The following NTS variants were observed in gnomAD, a reference collection of about 807,000 sequenced individuals.
NTS encodes the protein neurotensin/neuromedin N.
Under a neutral mutation model 19.5 loss-of-function variants are expected in NTS, and 20 were observed. The ratio of observed to expected loss-of-function variants is 1.02; its 90% CI spans 0.72 to 1.49. The LOEUF (loss-of-function observed/expected upper bound fraction) is 1.49, where lower values mean the gene tolerates loss of function less well. Among genes scored for constraint, NTS ranks in the 40% most tolerant of loss-of-function variants. The pLI, the probability that NTS is intolerant of heterozygous loss-of-function variation, is 0.00. For synonymous variants in NTS, 71 were observed against 63.3 expected, an observed-to-expected ratio of 1.12 and a Z score of -0.58; for missense variants, 215 against 193.1, an observed-to-expected ratio of 1.11 and a Z score of -0.67.
At chr12:85,879,072 AATGTACATAAAATATATTTTT>A (rs1223772646) in intron 3 of NTS, among the ~76,000 whole-genome samples, 5 of 91,446 alleles carry the variant, frequency 5.5e-5, no homozygotes, top group African/African-American at 2.4e-4. Flanking sequence ...TGTATATTTT[AATGTACATAAAATATATTTTT>A]ATGTATATTT....
chr12:85,875,567 GA>G (rs959175372), intron 1 of NTS, among the ~76,000 whole-genome samples: 4 of 151,726 alleles, frequency 2.6e-5, no homozygotes, highest in South Asian at 2.1e-4. Flanking sequence ...AATCTTATGA[GA>G]AAAAACAAAC....
At chr12:85,879,907 A>G (rs554131002) in intron 3 of NTS, among the ~76,000 whole-genome samples, 10 of 147,252 alleles carry the variant, frequency 6.8e-5, no homozygotes, top group African/African-American at 2.0e-4. Flanking sequence ...TATTTTATGT[A>G]TATAAAAATA....
At chr12:85,879,809 T>TTTTTATGTATA (rs55877306) in intron 3 of NTS, among the ~76,000 whole-genome samples, 4 of 126,070 alleles carry the variant, frequency 3.2e-5, no homozygotes, top group Non-Finnish European at 5.6e-5. Flanking sequence ...ATAAAATATA[T>TTTTTATGTATA]TTTTATGTAT....
intron 1 of NTS, among the ~76,000 whole-genome samples, chr12:85,876,309 A>C (rs1881342613): frequency 6.6e-6 from 1 of 151,940 alleles, no homozygotes; most frequent in Non-Finnish European, 1.5e-5. Flanking sequence ...GGTAAGAAAT[A>C]AGCTACTCTA....
chr12:85,878,365 C>A lies in NTS; in HGVS notation c.156C>A (p.Pro52=). Residue 52 remains proline (P), a synonymous_variant, in exon 3 of 4, where the codon CCC becomes CCA. Transcript: ENST00000256010. ...TTCAGATTAGTAAAGCACATGTTCC[C>A]TCTTGGAAGATGACTCTGCTAAATG... ...HTSKISKAHV[P]SWKMTLLNVC... 2 of 1,605,502 alleles carry A rather than the reference C, an allele frequency of 1.2e-6. No individual in the cohort carries two copies. The highest frequency in any genetic ancestry group is 2.2e-5 in the South Asian group (2 of 89,520).
intron 3 of NTS, among the ~76,000 whole-genome samples, chr12:85,879,089 T>TA (rs1438286036): frequency 3.6e-5 from 2 of 55,088 alleles, no homozygotes; most frequent in East Asian, 9.4e-4. Flanking sequence ...ATAAAATATA[T>TA]TTTTATGTAT....
intron 2 of NTS, among the ~76,000 whole-genome samples, chr12:85,877,022 C>T (rs1035206578): frequency 6.6e-6 from 1 of 151,936 alleles, no homozygotes; most frequent in African/African-American, 2.4e-5. Context: ...ATATTGGTCT[C>T]AAGTTAAATG....
At chr12:85,879,761 T>G (rs1162097091) in intron 3 of NTS, among the ~76,000 whole-genome samples, 1 of 140,626 alleles carries the variant, frequency 7.1e-6, no homozygotes, top group Non-Finnish European at 1.6e-5. Flanking sequence ...TTTTGTATAT[T>G]TTTGTATATA....
At chr12:85,876,746 C>T in intron 2 of NTS, 45 bp downstream of exon 2, 2 of 1,033,546 alleles carry the variant, frequency 1.9e-6, no homozygotes, top group Non-Finnish European at 2.9e-6. Flanking sequence ...AACATATGAA[C>T]TTTCATTATA....
intron 1 of NTS, 112 bp downstream of exon 1, chr12:85,874,588 A>G: frequency 1.6e-6 from 1 of 643,652 alleles, no homozygotes; most frequent in Middle Eastern, 3.1e-4. Context: ...CCTTTTATTC[A>G]GGATTTACCT....
chr12:85,882,351 C>A lies in NTS; in HGVS notation c.489C>A (p.Leu163=). ...ATAAACCCAGAAGACCCTACATACT[C>A]AAAAGAGATTCTTACTATTACTGAG... The part of the protein sequence containing the change: ...YENKPRRPYI[L]KRDSYYY The change falls in exon 4 of 4, where the codon CTC becomes CTA. Residue 163 remains leucine (L), a synonymous_variant. Transcript: ENST00000256010. 1 of 1,583,864 alleles carries A rather than the reference C, an allele frequency of 6.3e-7. No individual in the cohort carries two copies. Among genetic ancestry groups the A allele is most frequent in the Admixed American group, 2.0e-5 (1 of 50,422 alleles).
At chr12:85,879,779 T>C (rs1369700729) in intron 3 of NTS, among the ~76,000 whole-genome samples, 1 of 141,008 alleles carries the variant, frequency 7.1e-6, no homozygotes, top group Non-Finnish European at 1.5e-5. Flanking sequence ...ATAAAATATA[T>C]TTTTTGTATA....
At chr12:85,875,448 A>ATT (rs1881320006) in intron 1 of NTS, among the ~76,000 whole-genome samples, 1 of 152,130 alleles carries the variant, frequency 6.6e-6, no homozygotes, top group African/African-American at 2.4e-5. Context: ...TCATGCTATC[A>ATT]TTTGATTTAA....
intron 1 of NTS, among the ~76,000 whole-genome samples, chr12:85,875,022 A>G (rs963769178): frequency 4.6e-5 from 7 of 152,240 alleles, no homozygotes; most frequent in African/African-American, 1.7e-4. Context: ...AAATACAAAA[A>G]TATTCCAGAT....
At chr12:85,881,540 G>A (rs1236603824) in intron 3 of NTS, among the ~76,000 whole-genome samples, 1 of 152,022 alleles carries the variant, frequency 6.6e-6, no homozygotes, top group Non-Finnish European at 1.5e-5. Flanking sequence ...ATGATTTTAG[G>A]CAAGATTCTA....
In NTS at chr12:85,879,471, T is replaced by A. The variant is rs1434663735; in HGVS notation, c.360+902T>A. The stretch of plus-strand genomic sequence containing the variant: ...TTTTATGTATATTTTATGTATATTT[T>A]ATGTATATTTTATGTATATTTTATG... On this transcript the variant is annotated intron_variant, in intron 3 of 3. Coordinates refer to ENST00000256010, the MANE Select transcript of NTS (RefSeq NM_006183.5). Among the ~76,000 whole-genome samples the A allele has an allele frequency of 2.3e-4, 17 of 72,878 alleles. 3 individuals carry two copies. The highest frequency in any genetic ancestry group is 4.6e-4 in the Non-Finnish European group (16 of 34,452). 47.8% of individuals were successfully genotyped at this position (72,878 alleles called of 152,430 possible).
In NTS at chr12:85,874,311, C is replaced by A; in HGVS notation, c.-93C>A. The A allele has an allele frequency of 1.1e-6, 1 of 871,934 alleles. No homozygotes were observed. Among genetic ancestry groups the A allele is most frequent in the Non-Finnish European group, 1.9e-6 (1 of 514,068 alleles). 54.0% of individuals were successfully genotyped at this position (871,934 alleles called of 1,614,324 possible). A position where few individuals can be genotyped will look rare whatever the true frequency, so the allele number is the denominator to read the frequency against. ...GCACCTCTCATAGTTCACTCACTTT[C>A]AAAGCCAGCTGAAGGAAAGAGGAAG... On this transcript the variant is annotated 5_prime_UTR_variant, in exon 1 of 4. Transcript: ENST00000256010.
chr12:85,880,005 C>T lies in NTS; in HGVS notation c.360+1436C>T, dbSNP rs1008522862. Among the ~76,000 whole-genome samples, 6 of 149,774 alleles carry T rather than the reference C, an allele frequency of 4.0e-5. No individual in the cohort carries two copies. In the South Asian group the frequency reaches 1.0e-3, roughly 26 times the overall value. On this transcript the variant is annotated intron_variant, in intron 3 of 3. Transcript: ENST00000256010. ...GCAAGAACCGTAATTACTTTCGCACCAACCTAATATATCCCTATTATTCCA... is the reference window on the plus strand; with the variant it reads ...GCAAGAACCGTAATTACTTTCGCACTAACCTAATATATCCCTATTATTCCA...
chr12:85,874,557 A>G (rs898750437), intron 1 of NTS, 81 bp downstream of exon 1: 10 of 919,390 alleles, frequency 1.1e-5, no homozygotes, highest in Non-Finnish European at 1.8e-5. Flanking sequence ...ATGTTAATGT[A>G]TCTGGGGAGA....
Sources: gnomAD v4.1 joint callset for allele counts (sites outside exome capture counted in the v4.1 genomes callset) on GRCh38, gnomAD v4.1.1 for gene constraint, MANE v1.5 for transcripts, NCBI Gene and HGNC (gene_info 2026-07-23, HGNC 2026-07-21) for gene names.